Variants in GRIN3A observed in about 807,000 individuals in gnomAD.
GRIN3A encodes glutamate ionotropic receptor NMDA type subunit 3A, also known as glutamate receptor ionotropic, NMDA 3A.
A neutral mutation model predicts 92.4 loss-of-function variants in GRIN3A; 47 were observed. The ratio of observed to expected loss-of-function variants is 0.51; its 90% CI spans 0.40 to 0.65. The LOEUF (loss-of-function observed/expected upper bound fraction) is 0.65. Among genes scored for constraint, GRIN3A ranks in the 30% least tolerant of loss-of-function variants. The pLI is 0.00. For missense variants in GRIN3A, 1,324 were observed against 1,393.1 expected, an observed-to-expected ratio of 0.95 and a Z score of 0.79; for synonymous variants, 527 against 540.6, an observed-to-expected ratio of 0.97 and a Z score of 0.35.
chr9:101,650,504 A>G (rs960114088), intron 3 of GRIN3A, among the ~76,000 whole-genome samples: 5 of 152,062 alleles, frequency 3.3e-5, no homozygotes, highest in African/African-American at 1.2e-4. Flanking sequence ...ACCACAGCAA[A>G]TTATTGAAGC....
Position 101,628,275 on chromosome 9 carries a change from C to G in GRIN3A, c.2479G>C (p.Asp827His). The G allele has an allele frequency of 6.2e-7, 1 of 1,613,870 alleles. No homozygotes were observed. Among genetic ancestry groups the G allele is most frequent in the Admixed American group, 1.7e-5 (1 of 59,980 alleles). Residue 827 changes from aspartate (D) to histidine (H), a missense_variant, in exon 4 of 9, where the codon GAT becomes CAT. Coordinates refer to ENST00000361820, the MANE Select transcript of GRIN3A (RefSeq NM_133445.3). ...ACTCACTTCAGATACTCCACTCCAT[C>G]AGGGGTGGCTGGAACATTGTACCTT... The part of the protein sequence containing the change: ...MRRYNVPATP[D>H]GVEYLKNDPE...
Position 101,628,245 on chromosome 9 carries a change from T to C in GRIN3A, c.2498+11A>G, listed in dbSNP as rs377202180. 2.4e-5 allele frequency: 38 copies of C among 1,613,738 alleles called. 1 individual carries two copies. In the African/African-American group the frequency reaches 3.2e-4, roughly 14 times the overall value. On this transcript the variant is annotated intron_variant, in intron 4 of 8. Transcript: ENST00000361820. ...AGAATTTTTCTTTGGATCCAAGAGG[T>C]TGACACTCACTTCAGATACTCCACT...
chr9:101,720,062 C>A (rs192583283), intron 1 of GRIN3A, among the ~76,000 whole-genome samples: 9 of 152,136 alleles, frequency 5.9e-5, no homozygotes, highest in Non-Finnish European at 1.0e-4. Flanking sequence ...ATTATGAAAC[C>A]CTGCTCTTTT....
chr9:101,606,631 TG>T (rs1828285109), intron 6 of GRIN3A, among the ~76,000 whole-genome samples: 2 of 152,156 alleles, frequency 1.3e-5, no homozygotes, highest in Non-Finnish European at 2.9e-5. Context: ...CTTTGATCAT[TG>T]GAGTGTTCTA....
chr9:101,738,050 G>C lies in GRIN3A; in HGVS notation c.-71C>G, dbSNP rs1277914559. 4 of 1,314,694 alleles carry C rather than the reference G, an allele frequency of 3.0e-6. No homozygotes were observed. Among genetic ancestry groups the C allele is most frequent in the African/African-American group, 1.5e-5 (1 of 68,808 alleles). 81.4% of individuals were successfully genotyped at this position (1,314,694 alleles called of 1,614,324 possible). On this transcript the variant is annotated 5_prime_UTR_variant, in exon 1 of 9. Transcript: ENST00000361820. Reference sequence around the variant, plus strand: ...TCGCCCCTCTGCAGCCGCTGCCTGAGGTCTCCGCCTCCAGGTCCCGCGCGC... The same window carrying C: ...TCGCCCCTCTGCAGCCGCTGCCTGACGTCTCCGCCTCCAGGTCCCGCGCGC...
At chr9:101,641,240 G>A (rs185866846) in intron 3 of GRIN3A, among the ~76,000 whole-genome samples, 366 of 152,260 alleles carry the variant, frequency 2.4e-3, no homozygotes, top group Non-Finnish European at 4.2e-3. Context: ...ATTCCTCAGG[G>A]ATCTAGAACT....
chr9:101,602,738 G>A (rs1828228215), intron 6 of GRIN3A, among the ~76,000 whole-genome samples: 1 of 152,188 alleles, frequency 6.6e-6, no homozygotes, highest in South Asian at 2.1e-4. Context: ...TCGTTAGCAA[G>A]GGTGAAGGAG....
intron 3 of GRIN3A, among the ~76,000 whole-genome samples, chr9:101,641,582 A>G (rs1828863950): frequency 6.6e-6 from 1 of 151,670 alleles, no homozygotes; most frequent in Admixed American, 6.6e-5. Context: ...TTGAACAATG[A>G]GAACACATGG....
chr9:101,596,764 A>G (rs1828138968), intron 6 of GRIN3A, among the ~76,000 whole-genome samples: 1 of 152,240 alleles, frequency 6.6e-6, no homozygotes. Flanking sequence ...TTAACATGAA[A>G]GATAATTTGT....
rs1253884980 is a variant in GRIN3A at position 101,569,635 on chromosome 9, G to A, written c.*3539C>T. 6.6e-6 allele frequency: 1 copy of A among 152,128 alleles called. No individual in the cohort carries two copies. The highest frequency in any genetic ancestry group is 2.4e-5 in the African/African-American group (1 of 41,426). The allele number at this position is 152,128 out of a possible 1,614,324, so 9.4% of individuals were successfully genotyped here. A position where few individuals can be genotyped will look rare whatever the true frequency, so the allele number is the denominator to read the frequency against. ...ATTAGTAACTAAAAAAAAAGAGTGA[G>A]GGAATCCTGGATTAGATGGATAGTT... On this transcript the variant is annotated 3_prime_UTR_variant, in exon 9 of 9. Transcript: ENST00000361820.
chr9:101,737,443 G>A lies in GRIN3A; in HGVS notation c.537C>T (p.Ser179=). 1.9e-6 allele frequency: 3 copies of A among 1,614,270 alleles called. No homozygotes were observed. The highest frequency in any genetic ancestry group is 1.1e-5 in the South Asian group (1 of 91,084). Residue 179 remains serine (S), a synonymous_variant, in exon 1 of 9, where the codon TCC becomes TCT. Transcript: ENST00000361820. ...PSSPWSSDPF[S]FLQSVCHTVV... is the part of the protein sequence containing the mutation. Reference sequence around the variant, plus strand: ...CGGTATGGCACACACTTTGCAGGAAGGAGAAAGGGTCACTGCTCCATGGCG... The same window carrying A: ...CGGTATGGCACACACTTTGCAGGAAAGAGAAAGGGTCACTGCTCCATGGCG...
chr9:101,723,793 G>A (rs1414658714), intron 1 of GRIN3A, among the ~76,000 whole-genome samples: 1 of 152,140 alleles, frequency 6.6e-6, no homozygotes, highest in East Asian at 1.9e-4. Flanking sequence ...CACAAACCCT[G>A]AGCTAGACAC....
chr9:101,628,284 C>G lies in GRIN3A; in HGVS notation c.2470G>C (p.Ala824Pro). ...HEYMRRYNVP[A>P]TPDGVEYLKN... ...AGATACTCCACTCCATCAGGGGTGG[C>G]TGGAACATTGTACCTTCTCATATAT... The change falls in exon 4 of 9, where the codon GCC becomes CCC. Residue 824 changes from alanine (A) to proline (P), a missense_variant. Transcript: ENST00000361820. The G allele has an allele frequency of 6.2e-7, 1 of 1,613,958 alleles. No homozygotes were observed. The highest frequency in any genetic ancestry group is 1.7e-5 in the Admixed American group (1 of 59,992).
intron 6 of GRIN3A, chr9:101,592,803 C>A (rs1828050839): frequency 6.6e-6 from 1 of 150,810 alleles, no homozygotes; most frequent in Non-Finnish European, 1.5e-5. Flanking sequence ...CAGCTTCTTC[C>A]AAATAAAATA....
chr9:101,667,911 C>T (rs1384575714), intron 3 of GRIN3A, among the ~76,000 whole-genome samples: 2 of 151,946 alleles, frequency 1.3e-5, no homozygotes, highest in Non-Finnish European at 1.5e-5. Context: ...GATATTTTAC[C>T]GTAGAAACAA....
intron 3 of GRIN3A, among the ~76,000 whole-genome samples, chr9:101,666,371 T>C (rs1385683362): frequency 6.6e-6 from 1 of 151,972 alleles, no homozygotes; most frequent in Non-Finnish European, 1.5e-5. Flanking sequence ...AGGCCATTAC[T>C]CTTAGCAAAC....
chr9:101,730,008 A>G (rs979052543), intron 1 of GRIN3A, among the ~76,000 whole-genome samples: 1 of 152,174 alleles, frequency 6.6e-6, no homozygotes, highest in African/African-American at 2.4e-5. Flanking sequence ...TTATAGCAAT[A>G]GTTAGGAAAG....
At chr9:101,588,164 A>G (rs1827971996) in intron 6 of GRIN3A, among the ~76,000 whole-genome samples, 1 of 152,178 alleles carries the variant, frequency 6.6e-6, no homozygotes, top group Admixed American at 6.5e-5. Flanking sequence ...TTGGAATTAA[A>G]ACATATATAT....
chr9:101,632,032 C>A (rs564211307), intron 3 of GRIN3A, among the ~76,000 whole-genome samples: 7 of 152,302 alleles, frequency 4.6e-5, no homozygotes, highest in Middle Eastern at 6.8e-3. Context: ...GCATGTTTGG[C>A]TCCTGCCTTC....
Sources: gnomAD v4.1 joint callset for allele counts (sites outside exome capture counted in the v4.1 genomes callset) on GRCh38, gnomAD v4.1.1 for gene constraint, MANE v1.5 for transcripts, NCBI Gene and HGNC (gene_info 2026-07-23, HGNC 2026-07-21) for gene names.